AFF2: variants seen among roughly 807,000 people sequenced by gnomAD.
AFF2 encodes the protein ALF transcription elongation factor 2, also known as AF4/FMR2 family member 2.
AFF2 carries 14 observed loss-of-function variants against 76.9 expected under a neutral mutation model. That is an observed-to-expected ratio of 0.18 (90% CI 0.12 to 0.28). AFF2 has a LOEUF of 0.28. Ranked by LOEUF, AFF2 falls within the 10% of genes least tolerant of loss-of-function variation. AFF2 has a pLI of 1.00. For missense variants in AFF2, 868 were observed against 1,001.1 expected, an observed-to-expected ratio of 0.87 and a Z score of 1.79; for synonymous variants, 398 against 366.7, an observed-to-expected ratio of 1.09 and a Z score of -0.98.
At chrX:148,892,907 C>T (rs1361380887) in intron 8 of AFF2, among the ~76,000 whole-genome samples, 2 of 111,814 alleles carry the variant, frequency 1.8e-5, no homozygotes, top group Non-Finnish European at 3.8e-5. Flanking sequence ...GTAATGACAT[C>T]GATACGACAC....
At chrX:148,548,699 T>C (rs1254812984) in intron 1 of AFF2, among the ~76,000 whole-genome samples, 2 of 112,046 alleles carry the variant, frequency 1.8e-5, no homozygotes, top group Non-Finnish European at 3.8e-5. Context: ...CCTCCCAAAG[T>C]GCTGGGATTA....
rs183480396 is a variant in AFF2, at chrX:148,989,687, A to G, written c.3815-1524A>G. Among the ~76,000 whole-genome samples the G allele has an allele frequency of 4.5e-3, 509 of 112,599 alleles. 2 individuals are homozygous for G. The highest frequency in any genetic ancestry group is 0.016 in the African/African-American group (493 of 31,018). ...CCTTTTGGTTGCAGCTCTGCATCTCACTGGAGACAACCACGTATTTGCACG... is the reference window on the plus strand; with the variant it reads ...CCTTTTGGTTGCAGCTCTGCATCTCGCTGGAGACAACCACGTATTTGCACG... On this transcript the variant is annotated intron_variant, in intron 20 of 20. Transcript: ENST00000370460.
intron 1 of AFF2, among the ~76,000 whole-genome samples, chrX:148,540,732 C>G (rs1351589681): frequency 5.4e-5 from 6 of 111,449 alleles, no homozygotes; most frequent in African/African-American, 2.0e-4. Flanking sequence ...TAAATGATTG[C>G]AGCTCCTAAA....
At chrX:148,793,489 ACTCCT>A (rs1378173376) in intron 3 of AFF2, among the ~76,000 whole-genome samples, 1 of 110,963 alleles carries the variant, frequency 9.0e-6, no homozygotes, top group Non-Finnish European at 1.9e-5. Flanking sequence ...GTGGGGCACA[ACTCCT>A]CTCCTCTCCT....
chrX:148,877,596 A>C (rs1557278036), intron 7 of AFF2, among the ~76,000 whole-genome samples: 1 of 112,905 alleles, frequency 8.9e-6, no homozygotes, highest in African/African-American at 3.2e-5. Flanking sequence ...CATCAGCATA[A>C]GGGAAATCCT....
In AFF2 at chrX:148,689,550, G is replaced by T. The variant is rs374630614; in HGVS notation, c.1041+26782G>T. On this transcript the variant is annotated intron_variant, in intron 3 of 20. Transcript: ENST00000370460. ...CCCCAGGACCACTCCTGGGCAATGA[G>T]TTTCTCTTTTTCTAGTTCATGGATT... Among the ~76,000 whole-genome samples the T allele has an allele frequency of 3.9e-4, 43 of 110,930 alleles. 1 individual carries two copies. In the East Asian group the frequency reaches 5.7e-3, roughly 15 times the overall value.
rs1310311956 is a variant in AFF2, at chrX:148,769,209, A to C, written c.1042-40667A>C. On this transcript the variant is annotated intron_variant, in intron 3 of 20. Transcript: ENST00000370460. ...GTACATTAGAATTTTTATTTTTAAA[A>C]GGCTTACTATAGAAGTCTTTACAAT... Among the ~76,000 whole-genome samples, 4 of 111,881 alleles carry C rather than the reference A, an allele frequency of 3.6e-5. No homozygotes were observed. The East Asian group carries it at 8.5e-4, about 24-fold the overall frequency.
At chrX:148,579,414 A>T (rs6540384) in intron 1 of AFF2, among the ~76,000 whole-genome samples, 1 of 110,097 alleles carries the variant, frequency 9.1e-6, no homozygotes, top group East Asian at 2.9e-4. Flanking sequence ...TCTGAGTTCA[A>T]TGCAAGGCCA....
chrX:148,563,393 C>T (rs1340067761), intron 1 of AFF2, among the ~76,000 whole-genome samples: 1 of 111,558 alleles, frequency 9.0e-6, no homozygotes, highest in Non-Finnish European at 1.9e-5. Flanking sequence ...CAGTGGAGGC[C>T]AGCTGGGAGG....
intron 1 of AFF2, among the ~76,000 whole-genome samples, chrX:148,568,280 C>T (rs995137692): frequency 1.8e-5 from 2 of 111,682 alleles, no homozygotes; most frequent in East Asian, 5.6e-4. Context: ...GTCCAAAGTA[C>T]GCATTCGAAT....
At chrX:148,680,646 T>G (rs781818458) in intron 3 of AFF2, among the ~76,000 whole-genome samples, 1 of 112,045 alleles carries the variant, frequency 8.9e-6, no homozygotes, top group Admixed American at 9.5e-5. Context: ...GTGTTCTGCC[T>G]TCAAGAAACT....
chrX:148,738,840 G>T (rs1399679960), intron 3 of AFF2, among the ~76,000 whole-genome samples: 1 of 111,703 alleles, frequency 9.0e-6, no homozygotes, highest in Non-Finnish European at 1.9e-5. Flanking sequence ...TCAGTTCAAA[G>T]AATTTGTTAA....
intron 2 of AFF2, among the ~76,000 whole-genome samples, chrX:148,659,114 T>C (rs1334709316): frequency 8.9e-6 from 1 of 112,250 alleles, no homozygotes; most frequent in Non-Finnish European, 1.9e-5. Flanking sequence ...TCCTCTAATT[T>C]TGTTCACATA....
chrX:148,704,774 G>A (rs920289254), intron 3 of AFF2, among the ~76,000 whole-genome samples: 81 of 107,852 alleles, frequency 7.5e-4, no homozygotes, highest in Middle Eastern at 9.6e-3. Context: ...CAATCCACCC[G>A]CCTCGGCCTC....
At position 148,908,642 on chromosome X, in the gene AFF2, G is replaced by A. The variant is rs148788680; in HGVS notation, c.1397+4384G>A. The stretch of plus-strand genomic sequence containing the variant: ...TTTTTGAGCATACAATGAAAATTGT[G>A]TACAGTTTTACTGGAAAACAGAGGC... On this transcript the variant is annotated intron_variant, in intron 9 of 20. Transcript: ENST00000370460. Among the ~76,000 whole-genome samples, 1,016 of 111,691 alleles carry A rather than the reference G, an allele frequency of 9.1e-3. 9 individuals carry two copies. The highest frequency in any genetic ancestry group is 0.031 in the African/African-American group (944 of 30,669).
chrX:148,752,708 C>T (rs1465859817), intron 3 of AFF2, among the ~76,000 whole-genome samples: 1 of 111,278 alleles, frequency 9.0e-6, no homozygotes, highest in East Asian at 2.8e-4. Flanking sequence ...CAATGAAGAC[C>T]CCTAATGAAA....
At chrX:148,527,293 A>G (rs912172134) in intron 1 of AFF2, among the ~76,000 whole-genome samples, 8 of 112,218 alleles carry the variant, frequency 7.1e-5, no homozygotes, top group African/African-American at 2.6e-4. Flanking sequence ...GGCACATTCT[A>G]CAAAATAAGT....
chrX:148,613,185 C>G, intron 1 of AFF2, among the ~76,000 whole-genome samples: 1 of 111,707 alleles, frequency 9.0e-6, no homozygotes, highest in Non-Finnish European at 1.9e-5. Flanking sequence ...TCGTTAAATC[C>G]TTAATTTTGA....
At chrX:148,801,940 A>G (rs1287092385) in intron 3 of AFF2, among the ~76,000 whole-genome samples, 2 of 111,319 alleles carry the variant, frequency 1.8e-5, no homozygotes, top group African/African-American at 3.3e-5. Flanking sequence ...GAGGATACAA[A>G]TCACCTAGAT....
Sources: gnomAD v4.1 joint callset for allele counts (sites outside exome capture counted in the v4.1 genomes callset) on GRCh38, gnomAD v4.1.1 for gene constraint, MANE v1.5 for transcripts, NCBI Gene and HGNC (gene_info 2026-07-23, HGNC 2026-07-21) for gene names.